NYAP2: variants seen among roughly 807,000 people sequenced by gnomAD.
NYAP2 encodes neuronal tyrosine-phosphorylated phosphoinositide-3-kinase adapter 2.
In NYAP2, 23 loss-of-function variants were observed where a neutral mutation model predicts 50.4. The observed-to-expected ratio is 0.46, with a 90% confidence interval of 0.33 to 0.65. NYAP2 has a LOEUF of 0.65. Among genes scored for constraint, NYAP2 ranks in the 30% least tolerant of loss-of-function variants. NYAP2 has a pLI of 0.02. For synonymous variants in NYAP2, 394 were observed against 365.2 expected, an observed-to-expected ratio of 1.08 and a Z score of -0.90; for missense variants, 885 against 861.0, an observed-to-expected ratio of 1.03 and a Z score of -0.35.
chr2:225,413,268 G>C (rs1574601828), intron 3 of NYAP2, among the ~76,000 whole-genome samples: 1 of 152,096 alleles, frequency 6.6e-6, no homozygotes, highest in Admixed American at 6.6e-5. Flanking sequence ...ATAGGTAAGG[G>C]AGGAAGCTGG....
intron 4 of NYAP2, among the ~76,000 whole-genome samples, chr2:225,548,442 C>A (rs902760002): frequency 6.6e-6 from 1 of 151,310 alleles, no homozygotes; most frequent in African/African-American, 2.4e-5. Context: ...TAAGTATTTA[C>A]AATAAAAATG....
intron 3 of NYAP2, among the ~76,000 whole-genome samples, chr2:225,472,174 G>T (rs1002398996): frequency 5.3e-5 from 8 of 152,110 alleles, no homozygotes; most frequent in African/African-American, 1.9e-4. Flanking sequence ...AATCTGGCTC[G>T]CACGACTCAT....
chr2:225,487,963 T>G (rs1190504682), intron 3 of NYAP2, among the ~76,000 whole-genome samples: 1 of 152,162 alleles, frequency 6.6e-6, no homozygotes, highest in Non-Finnish European at 1.5e-5. Flanking sequence ...TAGCTGACAT[T>G]CCCAAAGTGC....
chr2:225,520,833 G>A (rs1321195237), intron 4 of NYAP2, among the ~76,000 whole-genome samples: 1 of 152,100 alleles, frequency 6.6e-6, no homozygotes, highest in African/African-American at 2.4e-5. Flanking sequence ...GCTTGATGGG[G>A]ATAGTATTGA....
the NYAP2 span, among the ~76,000 whole-genome samples, chr2:225,697,465 G>A: frequency 1.5e-3 from 231 of 151,904 alleles, 3 homozygotes; most frequent in Middle Eastern, 0.017. Flanking sequence ...CTAAGCATAT[G>A]GTGTGCACTT....
chr2:225,497,768 A>G (rs1180265499), intron 3 of NYAP2, among the ~76,000 whole-genome samples: 1 of 152,172 alleles, frequency 6.6e-6, no homozygotes, highest in East Asian at 1.9e-4. Context: ...AACAATGTAC[A>G]TGTACATGCA....
intron 4 of NYAP2, among the ~76,000 whole-genome samples, chr2:225,542,912 G>A (rs1691503526): frequency 6.6e-6 from 1 of 151,998 alleles, no homozygotes; most frequent in African/African-American, 2.4e-5. Context: ...TTCTTTGTTG[G>A]AAAAATTTGT....
intron 6 of NYAP2, among the ~76,000 whole-genome samples, chr2:225,647,633 A>G (rs920094505): frequency 6.6e-6 from 1 of 152,196 alleles, no homozygotes; most frequent in Non-Finnish European, 1.5e-5. Context: ...GAGGAGTTGC[A>G]GTGACCTTTT....
chr2:225,558,425 A>C (rs909514132), intron 4 of NYAP2, among the ~76,000 whole-genome samples: 3 of 152,086 alleles, frequency 2.0e-5, no homozygotes, highest in Non-Finnish European at 4.4e-5. Context: ...GAAATCAGTA[A>C]ATGATAGCAT....
chr2:225,531,740 A>G (rs1691256436), intron 4 of NYAP2, among the ~76,000 whole-genome samples: 1 of 152,188 alleles, frequency 6.6e-6, no homozygotes. Context: ...GAGCGAGTGC[A>G]TTTTCTCTCC....
intron 3 of NYAP2, among the ~76,000 whole-genome samples, chr2:225,450,914 C>G (rs1028319840): frequency 6.6e-6 from 1 of 152,060 alleles, no homozygotes; most frequent in Non-Finnish European, 1.5e-5. Context: ...TGTGTCGGAC[C>G]TAGGTTGAAT....
downstream of NYAP2, among the ~76,000 whole-genome samples, chr2:225,654,585 G>A (rs1693794832): frequency 1.3e-5 from 2 of 152,190 alleles, no homozygotes; most frequent in South Asian, 4.1e-4. Flanking sequence ...TTGGGAGGCT[G>A]AGGCAGGAGG....
intron 5 of NYAP2, among the ~76,000 whole-genome samples, chr2:225,592,028 C>T (rs868718595): frequency 6.6e-5 from 10 of 152,168 alleles, no homozygotes; most frequent in African/African-American, 2.4e-4. Flanking sequence ...CCCAGTGGGC[C>T]TCAGAATCGC....
At chr2:225,512,889 CTTCCTTCCT>C (rs1690857379) in intron 3 of NYAP2, among the ~76,000 whole-genome samples, 1 of 132,914 alleles carries the variant, frequency 7.5e-6, no homozygotes, top group African/African-American at 3.0e-5. Flanking sequence ...TCCTTCCTTC[CTTCCTTCCT>C]TTCCTTTCCT....
Position 225,600,900 on chromosome 2 carries a change from G to A in NYAP2, c.1618+17865G>A, listed in dbSNP as rs1194678944. Among the ~76,000 whole-genome samples, 6 of 152,086 alleles carry A rather than the reference G, an allele frequency of 3.9e-5. No homozygotes were observed. The South Asian group carries it at 1.2e-3, about 32-fold the overall frequency. On this transcript the variant is annotated intron_variant, in intron 5 of 6. Coordinates refer to ENST00000636099, the Ensembl canonical transcript of NYAP2. Reference sequence around the variant, plus strand: ...TTGCAGGATTTCATTACTTTTTTAAGGCGGAATAATATTCTGTTTTAGGGA... The same window carrying A: ...TTGCAGGATTTCATTACTTTTTTAAAGCGGAATAATATTCTGTTTTAGGGA...
downstream of NYAP2, among the ~76,000 whole-genome samples, chr2:225,657,591 T>TA (rs78616843): frequency 0.048 from 3,718 of 77,062 alleles, 147 homozygotes; most frequent in African/African-American, 0.12. Context: ...AAAACTGCTC[T>TA]AAAAAAAAAA....
chr2:225,620,439 G>GCGCATGCA (rs1468684404), intron 5 of NYAP2, among the ~76,000 whole-genome samples: 1 of 30,982 alleles, frequency 3.2e-5, no homozygotes, highest in African/African-American at 8.9e-5. Context: ...ACGCACACAC[G>GCGCATGCA]CACGCACACG....
At chr2:225,539,731 T>C (rs918629457) in intron 4 of NYAP2, among the ~76,000 whole-genome samples, 1 of 152,206 alleles carries the variant, frequency 6.6e-6, no homozygotes, top group African/African-American at 2.4e-5. Context: ...AAGTTCTTTG[T>C]AGATTCTGGA....
chr2:225,415,947 C>T (rs529681356), intron 3 of NYAP2, among the ~76,000 whole-genome samples: 1 of 152,116 alleles, frequency 6.6e-6, no homozygotes, highest in African/African-American at 2.4e-5. Context: ...ATGTCAGGGT[C>T]TTGCTGGAAT....
Sources: allele counts gnomAD v4.1 joint callset (sites outside exome capture counted in the v4.1 genomes callset), GRCh38; gene constraint gnomAD v4.1.1; transcripts MANE v1.5; gene names NCBI Gene and HGNC (gene_info 2026-07-23, HGNC 2026-07-21).